The following TRIM44 variants were observed in gnomAD, a reference collection of about 807,000 sequenced individuals.
TRIM44 encodes tripartite motif-containing protein 44.
Under a neutral mutation model 37.4 loss-of-function variants are expected in TRIM44, and 13 were observed. That is an observed-to-expected ratio of 0.35 (90% CI 0.23 to 0.55). TRIM44 has a LOEUF of 0.55. TRIM44 is among the 20% of genes least tolerant of loss of function. TRIM44 has a pLI of 0.89. For synonymous variants in TRIM44, 175 were observed against 157.2 expected, an observed-to-expected ratio of 1.11 and a Z score of -0.85; for missense variants, 426 against 437.2, an observed-to-expected ratio of 0.97 and a Z score of 0.23.
chr11:35,737,880 T>C (rs1488559555), intron 4 of TRIM44, among the ~76,000 whole-genome samples: 1 of 152,164 alleles, frequency 6.6e-6, no homozygotes, highest in Non-Finnish European at 1.5e-5. Context: ...CCTGGGAGAC[T>C]AGTTAGACTA....
In TRIM44 at chr11:35,663,193, G is replaced by A. The variant is rs1226954134; in HGVS notation, c.82G>A (p.Gly28Arg). The A allele has an allele frequency of 1.3e-6, 2 of 1,590,304 alleles. No homozygotes were observed. The highest frequency in any genetic ancestry group is 1.7e-6 in the Non-Finnish European group (2 of 1,167,912). ...CGAGTGCGAGCCCGACGAGGCTCCGGGGGCCGAGGAAGTGTGCCGAGAATG... is the reference window on the plus strand; with the variant it reads ...CGAGTGCGAGCCCGACGAGGCTCCGAGGGCCGAGGAAGTGTGCCGAGAATG... ...CDECEPDEAP[G>R]AEEVCRECGF... The change falls in exon 1 of 5, where the codon GGG (glycine) becomes AGG (arginine). Residue 28 changes from glycine (G) to arginine (R), a missense_variant. Around this residue, in one of 2 missense-constraint regions of TRIM44, gnomAD observed 331 missense variants for 303.0 expected, o/e 1.09. Transcript: ENST00000299413.
chr11:35,747,622 A>G (rs1852507393), intron 4 of TRIM44, among the ~76,000 whole-genome samples: 2 of 151,906 alleles, frequency 1.3e-5, no homozygotes, highest in Non-Finnish European at 2.9e-5. Flanking sequence ...TCTTTGTTGA[A>G]TGTCAACAAG....
At chr11:35,747,016 A>G (rs529291781) in intron 4 of TRIM44, among the ~76,000 whole-genome samples, 1 of 152,262 alleles carries the variant, frequency 6.6e-6, no homozygotes, top group South Asian at 2.1e-4. Context: ...AGCATGAGAA[A>G]AACAGTGCAA....
Position 35,808,953 on chromosome 11 carries a change from TG to T in TRIM44, c.*2570del, listed in dbSNP as rs1853492101. 1 of 152,160 alleles carries T rather than the reference TG, an allele frequency of 6.6e-6. No homozygotes were observed. The highest frequency in any genetic ancestry group is 2.4e-5 in the African/African-American group (1 of 41,414). The allele number at this position is 152,160 out of a possible 1,614,324, so 9.4% of individuals were successfully genotyped here. A position where few individuals can be genotyped will look rare whatever the true frequency, so the allele number is the denominator to read the frequency against. On this transcript the variant is annotated 3_prime_UTR_variant, in exon 5 of 5. Coordinates refer to ENST00000299413, the MANE Select transcript of TRIM44 (RefSeq NM_017583.6). ...GAATTGGGTCTTGCCTGGGTGCAGG[TG>T]GCAGGGTTTGCTGAAACCCCTAAAG...
chr11:35,756,250 G>T lies in TRIM44; in HGVS notation c.1007+20805G>T, dbSNP rs1185807587. ...CTTGTAAGTTGGATTCCTAGGTATT[G>T]TATTCTCTTTGAAGCAATTGTGAAT... is the stretch of plus-strand genomic sequence containing the variant. On this transcript the variant is annotated intron_variant, in intron 4 of 4. Coordinates refer to ENST00000299413, the MANE Select transcript of TRIM44 (RefSeq NM_017583.6). Among the ~76,000 whole-genome samples, 475 of 151,420 alleles carry T rather than the reference G, an allele frequency of 3.1e-3. 3 individuals are homozygous for T. The highest frequency in any genetic ancestry group is 3.9e-3 in the Non-Finnish European group (266 of 67,840).
chr11:35,730,481 T>A (rs1471491075), intron 3 of TRIM44, among the ~76,000 whole-genome samples: 1 of 152,144 alleles, frequency 6.6e-6, no homozygotes, highest in Non-Finnish European at 1.5e-5. Context: ...ACCTACAGAT[T>A]TAAGAAGCAG....
chr11:35,713,888 G>A (rs1283726291), intron 2 of TRIM44, among the ~76,000 whole-genome samples: 2 of 152,128 alleles, frequency 1.3e-5, no homozygotes, highest in African/African-American at 4.8e-5. Flanking sequence ...TCCTTCCTGT[G>A]CTTTCTGTAC....
chr11:35,690,651 TG>T (rs1440472538), intron 2 of TRIM44, among the ~76,000 whole-genome samples: 1 of 152,256 alleles, frequency 6.6e-6, no homozygotes, highest in East Asian at 1.9e-4. Context: ...GACCCATTTC[TG>T]GACTTTTCAT....
intron 4 of TRIM44, among the ~76,000 whole-genome samples, chr11:35,754,192 G>T (rs2970327): frequency 1 from 151,807 of 152,332 alleles, 75,643 homozygotes; most frequent in Middle Eastern, 1. Flanking sequence ...TTACTAATCT[G>T]TTAGTGGTTG....
intron 4 of TRIM44, among the ~76,000 whole-genome samples, chr11:35,803,480 C>T (rs193108669): frequency 4.3e-4 from 66 of 152,158 alleles, no homozygotes; most frequent in African/African-American, 1.5e-3. Context: ...GCCTGTAATC[C>T]AGCACTTTGG....
rs2133890286 is a variant in TRIM44 at position 35,813,772 on chromosome 11, G to A, written c.*7387G>A. 1 of 151,528 alleles carries A rather than the reference G, an allele frequency of 6.6e-6. No homozygotes were observed. 9.4% of individuals were successfully genotyped at this position (151,528 alleles called of 1,614,324 possible). On this transcript the variant is annotated 3_prime_UTR_variant, in exon 5 of 5. Coordinates refer to ENST00000299413, the MANE Select transcript of TRIM44 (RefSeq NM_017583.6). The stretch of plus-strand genomic sequence containing the variant: ...TTTTAGAAATATTTACATCCCAATG[G>A]TTAAAAAAAAAAACTTTTAGGAATT...
chr11:35,705,394 G>A (rs1041651711), intron 2 of TRIM44, among the ~76,000 whole-genome samples: 2 of 152,162 alleles, frequency 1.3e-5, no homozygotes, highest in African/African-American at 4.8e-5. Flanking sequence ...ATTGAACTCA[G>A]CTCTGCACCA....
At position 35,685,289 on chromosome 11, in the gene TRIM44, A is replaced by G. The variant is rs372846940; in HGVS notation, c.700A>G (p.Met234Val). The change falls in exon 2 of 5, where the codon ATG becomes GTG. Residue 234 changes from methionine to valine, a missense_variant. Physicochemically the swap from Met to Val is conservative, Grantham distance 21. Transcript: ENST00000299413. ...AGACTCAGGTGGACTGAAGGCCGCTATGATCGAATTGGTGGAAAGGTTGAA... is the reference window on the plus strand; with the variant it reads ...AGACTCAGGTGGACTGAAGGCCGCTGTGATCGAATTGGTGGAAAGGTTGAA... ...SKDSGGLKAA[M>V]IELVERLKFK... The G allele has an allele frequency of 3.7e-6, 6 of 1,614,236 alleles. No individual in the cohort carries two copies. Among genetic ancestry groups the G allele is most frequent in the South Asian group, 3.3e-5 (3 of 91,088 alleles).
intron 4 of TRIM44, among the ~76,000 whole-genome samples, chr11:35,804,297 A>C (rs1728287647): frequency 1.3e-5 from 2 of 152,206 alleles, no homozygotes; most frequent in Admixed American, 6.5e-5. Context: ...GCCACTCTCC[A>C]AATATTATAG....
chr11:35,755,078 A>G (rs1384715957), intron 4 of TRIM44, among the ~76,000 whole-genome samples: 11 of 152,188 alleles, frequency 7.2e-5, no homozygotes, highest in Admixed American at 5.2e-4. Flanking sequence ...AGGAATCACC[A>G]CACTGACTTC....
intron 4 of TRIM44, among the ~76,000 whole-genome samples, chr11:35,795,420 G>A (rs1288960877): frequency 6.6e-6 from 1 of 152,010 alleles, no homozygotes; most frequent in South Asian, 2.1e-4. Flanking sequence ...TGGCAGCAGT[G>A]GAGAAGATGA....
rs958219078 is a variant in TRIM44 at position 35,817,927 on chromosome 11, C to G, written c.*11542C>G. 1 of 152,136 alleles carries G rather than the reference C, an allele frequency of 6.6e-6. No homozygotes were observed. The highest frequency in any genetic ancestry group is 1.5e-5 in the Non-Finnish European group (1 of 68,044). The allele number at this position is 152,136 out of a possible 1,614,324, so 9.4% of individuals were successfully genotyped here. On this transcript the variant is annotated 3_prime_UTR_variant, in exon 5 of 5. Transcript: ENST00000299413. ...TGATTGTAAGTTTCCTGAAGCCTCCCTAGAAGCTGAGCAGATGCCAGCATC... is the reference window on the plus strand; with the variant it reads ...TGATTGTAAGTTTCCTGAAGCCTCCGTAGAAGCTGAGCAGATGCCAGCATC...
chr11:35,788,565 C>T (rs1590601635), intron 4 of TRIM44, among the ~76,000 whole-genome samples: 1 of 152,160 alleles, frequency 6.6e-6, no homozygotes, highest in African/African-American at 2.4e-5. Context: ...TGGTTTTGGC[C>T]TCTAACAAGA....
At chr11:35,771,869 A>G (rs902807046) in intron 4 of TRIM44, among the ~76,000 whole-genome samples, 1 of 152,218 alleles carries the variant, frequency 6.6e-6, no homozygotes, top group Non-Finnish European at 1.5e-5. Context: ...AAATTTGCAT[A>G]AGGGGAGCCG....
Sources: gnomAD v4.1 joint callset for allele counts (sites outside exome capture counted in the v4.1 genomes callset) on GRCh38, gnomAD v4.1.1 for gene constraint, gnomAD v4.1.1 regional missense constraint, MANE v1.5 for transcripts, NCBI Gene and HGNC (gene_info 2026-07-23, HGNC 2026-07-21) for gene names.